CD226: variants seen among roughly 807,000 people sequenced by gnomAD.
CD226 encodes CD226 antigen.
A neutral mutation model predicts 34.9 loss-of-function variants in CD226; 24 were observed. That is an observed-to-expected ratio of 0.69 (90% confidence interval 0.50 to 0.97). The LOEUF (loss-of-function observed/expected upper bound fraction) is 0.97. CD226 is among the 50% of genes least tolerant of loss of function. The pLI, the probability that CD226 is intolerant of heterozygous loss-of-function variation, is 0.00. For synonymous variants in CD226, 148 were observed against 147.4 expected, an observed-to-expected ratio of 1.00 and a Z score of -0.03; for missense variants, 397 against 412.7, an observed-to-expected ratio of 0.96 and a Z score of 0.33.
chr18:69,901,686 T>C (rs1410860562), intron 2 of CD226, among the ~76,000 whole-genome samples: 1 of 152,128 alleles, frequency 6.6e-6, no homozygotes, highest in Non-Finnish European at 1.5e-5. Context: ...AAGACCATCC[T>C]GGCTAACATG....
At chr18:69,919,862 C>G (rs1403218344) in intron 2 of CD226, among the ~76,000 whole-genome samples, 1 of 151,170 alleles carries the variant, frequency 6.6e-6, no homozygotes, top group African/African-American at 2.4e-5. Flanking sequence ...CTTTCATCTA[C>G]TTTTGTTGTC....
chr18:69,890,041 A>T (rs1356415962), intron 3 of CD226, among the ~76,000 whole-genome samples: 2 of 152,228 alleles, frequency 1.3e-5, no homozygotes, highest in African/African-American at 4.8e-5. Context: ...ACTGTAGTTG[A>T]TCTTTTGAAA....
At chr18:69,899,932 A>G (rs1985506098) in intron 2 of CD226, among the ~76,000 whole-genome samples, 1 of 152,234 alleles carries the variant, frequency 6.6e-6, no homozygotes, top group Non-Finnish European at 1.5e-5. Flanking sequence ...TCCTGGGCAT[A>G]TACCCAGAGG....
At chr18:69,947,127 T>A in intron 1 of CD226, 58 bp from the exon 2 acceptor site, 1 of 1,408,336 alleles carries the variant, frequency 7.1e-7, no homozygotes, top group Non-Finnish European at 9.9e-7. Flanking sequence ...ACCAAATCAA[T>A]ATCTTAAGCT....
At chr18:69,899,641 A>ATT (rs1985489357) in intron 2 of CD226, among the ~76,000 whole-genome samples, 2 of 152,254 alleles carry the variant, frequency 1.3e-5, no homozygotes, top group African/African-American at 4.8e-5. Flanking sequence ...ACTTCTCAAA[A>ATT]GAAGACATAT....
At chr18:69,876,954 C>A (rs1983909560) in intron 3 of CD226, among the ~76,000 whole-genome samples, 1 of 149,856 alleles carries the variant, frequency 6.7e-6, no homozygotes, top group Non-Finnish European at 1.5e-5. Context: ...ATCTCCGCCT[C>A]CCAGGTTCAA....
chr18:69,953,933 G>A (rs1251132117), intron 1 of CD226, among the ~76,000 whole-genome samples: 1 of 151,538 alleles, frequency 6.6e-6, no homozygotes, highest in African/African-American at 2.4e-5. Context: ...CCAGGAGGTG[G>A]AGGTTGCAGT....
At chr18:69,918,550 T>A (rs1370654812) in intron 2 of CD226, among the ~76,000 whole-genome samples, 1 of 152,174 alleles carries the variant, frequency 6.6e-6, no homozygotes, top group African/African-American at 2.4e-5. Context: ...AGAGTGGGAC[T>A]CTGTCTCAAA....
rs1555675807 is a variant in CD226 at position 69,861,554 on chromosome 18, G to GTATATATGTATATATATATATA, written c.*2759_*2760insTATATATATATATACATATATA. On this transcript the variant is annotated 3_prime_UTR_variant, in exon 6 of 6. Transcript: ENST00000582621. ...ATAAATTATATGTGTATATATATAT[G>GTATATATGTATATATATATATA]TATATATATATATATATATGTAAAA... The GTATATATGTATATATATATATA allele has an allele frequency of 7.8e-6, 1 of 127,948 alleles. No individual in the cohort carries two copies. Among genetic ancestry groups the GTATATATGTATATATATATATA allele is most frequent in the African/African-American group, 2.8e-5 (1 of 36,322 alleles). 7.9% of individuals were successfully genotyped at this position (127,948 alleles called of 1,614,324 possible).
intron 2 of CD226, among the ~76,000 whole-genome samples, chr18:69,898,268 G>C (rs1985413855): frequency 6.6e-6 from 1 of 152,132 alleles, no homozygotes; most frequent in Non-Finnish European, 1.5e-5. Flanking sequence ...GAAGTAAGAG[G>C]CAGCGTGAAT....
At chr18:69,913,201 T>C (rs1443984133) in intron 2 of CD226, among the ~76,000 whole-genome samples, 2 of 151,986 alleles carry the variant, frequency 1.3e-5, no homozygotes, top group African/African-American at 2.4e-5. Flanking sequence ...CCTTTCCCAA[T>C]AGCAGTGGAG....
chr18:69,879,593 T>C (rs550903575), intron 3 of CD226, among the ~76,000 whole-genome samples: 2 of 152,328 alleles, frequency 1.3e-5, no homozygotes, highest in Non-Finnish European at 2.9e-5. Flanking sequence ...CCAGATTTCA[T>C]ATTGTTCAAA....
At chr18:69,941,842 G>T (rs975546192) in intron 2 of CD226, among the ~76,000 whole-genome samples, 1 of 152,084 alleles carries the variant, frequency 6.6e-6, no homozygotes, top group East Asian at 1.9e-4. Context: ...GGGGCAAAAT[G>T]ATATAATTTG....
At chr18:69,957,897 G>A (rs1426651321), upstream of CD226, among the ~76,000 whole-genome samples, 4 of 152,118 alleles carry the variant, frequency 2.6e-5, no homozygotes, top group Admixed American at 6.5e-5. Flanking sequence ...CAAGGCCTGC[G>A]TCATTGATGA....
intron 3 of CD226, among the ~76,000 whole-genome samples, chr18:69,890,481 T>G (rs975690640): frequency 6.6e-6 from 1 of 151,804 alleles, no homozygotes; most frequent in African/African-American, 2.4e-5. Context: ...TAAATACAAA[T>G]AGATGGAAGT....
upstream of CD226, among the ~76,000 whole-genome samples, chr18:69,948,030 T>C (rs2145370743): frequency 6.6e-6 from 1 of 152,280 alleles, no homozygotes; most frequent in Non-Finnish European, 1.5e-5. Context: ...GCCCATCAGA[T>C]ACAAAAGTAT....
Position 69,864,011 on chromosome 18 carries a change from T to G in CD226, c.*303A>C, listed in dbSNP as rs896613059. ...TTCAGAAGCCAGTTTATGCCCATAC[T>G]TAATTCTAGACACAACATTTAAGCC... On this transcript the variant is annotated 3_prime_UTR_variant, in exon 6 of 6. Coordinates refer to ENST00000582621, the MANE Select transcript of CD226 (RefSeq NM_001303618.2). 133 of 209,962 alleles carry G rather than the reference T, an allele frequency of 6.3e-4. No homozygotes were observed. The highest frequency in any genetic ancestry group is 3.0e-3 in the African/African-American group (131 of 43,356). 13.0% of individuals were successfully genotyped at this position (209,962 alleles called of 1,614,324 possible).
At chr18:69,922,652 T>C (rs1409472077) in intron 2 of CD226, among the ~76,000 whole-genome samples, 1 of 152,138 alleles carries the variant, frequency 6.6e-6, no homozygotes, top group Non-Finnish European at 1.5e-5. Context: ...ACTTGAGAAA[T>C]GAGGACTCAT....
intron 1 of CD226, among the ~76,000 whole-genome samples, chr18:69,955,760 G>A (rs2055891608): frequency 6.6e-6 from 1 of 150,866 alleles, no homozygotes; most frequent in African/African-American, 2.4e-5. Context: ...CTACTCAGGA[G>A]GCTGAGGCAG....
Sources: gnomAD v4.1 joint callset for allele counts (sites outside exome capture counted in the v4.1 genomes callset) on GRCh38, gnomAD v4.1.1 for gene constraint, MANE v1.5 for transcripts, NCBI Gene and HGNC (gene_info 2026-07-23, HGNC 2026-07-21) for gene names.